Variants in SDHD observed in about 807,000 individuals in gnomAD.
SDHD encodes succinate dehydrogenase [ubiquinone] cytochrome b small subunit, mitochondrial.
Under a neutral mutation model 18.7 loss-of-function variants are expected in SDHD, and 6 were observed. The observed-to-expected ratio is 0.32, with a 90% CI of 0.18 to 0.63. SDHD has a LOEUF of 0.63. Ranked by LOEUF, SDHD falls within the 30% of genes least tolerant of loss-of-function variation. The pLI is 0.79. For missense variants in SDHD, 160 were observed against 192.7 expected, an observed-to-expected ratio of 0.83 and a Z score of 1.00; for synonymous variants, 56 against 73.9, an observed-to-expected ratio of 0.76 and a Z score of 1.24.
At chr11:112,087,031 A>G in intron 1 of SDHD, 72 bp downstream of exon 1, 2 of 1,545,744 alleles carry the variant, frequency 1.3e-6, no homozygotes, top group South Asian at 1.1e-5. Context: ...GTGAGGACTC[A>G]TCTGCCGGGT....
At chr11:112,093,224 G>A (rs973095059) in intron 3 of SDHD, 30 of 309,030 alleles carry the variant, frequency 9.7e-5, no homozygotes, top group African/African-American at 5.7e-4. Flanking sequence ...GTGCCACCAC[G>A]CCTGGCTAAT....
In SDHD at chr11:112,094,787, T is replaced by A. The variant is rs1260988180; in HGVS notation, c.315-18T>A. ...CTGTGGTTTTTTATTGATGTTATGA[T>A]TTTTTCTTTTTCTTTAGGGGCCTTG... is the stretch of plus-strand genomic sequence containing the variant. On this transcript the variant is annotated intron_variant, in intron 3 of 3. Transcript: ENST00000375549. 6.2e-7 allele frequency: 1 copy of A among 1,608,840 alleles called. No individual in the cohort carries two copies. The highest frequency in any genetic ancestry group is 8.5e-7 in the Non-Finnish European group (1 of 1,177,872).
intron 2 of SDHD, chr11:112,088,408 G>A (rs1354974695): frequency 1.2e-5 from 4 of 332,366 alleles, no homozygotes; most frequent in East Asian, 8.1e-5. Flanking sequence ...CGTGTTGGCC[G>A]GGCTGGTCTC....
In SDHD at chr11:112,086,957, G is replaced by A. The variant is rs1865621723; in HGVS notation, c.50G>A (p.Arg17Gln). ...LSAVCGALGG[R>Q]ALLLRTPVVR... ...GCCGTTTGCGGTGCCCTAGGAGGCCGAGGTGAGGGGTCTTCCCACCCTGAG... is the reference window on the plus strand; with the variant it reads ...GCCGTTTGCGGTGCCCTAGGAGGCCAAGGTGAGGGGTCTTCCCACCCTGAG... The change falls in exon 1 of 4, where the codon CGA becomes CAA. Residue 17 changes from arginine to glutamine, a missense_variant and splice_region_variant. Coordinates refer to ENST00000375549, the MANE Select transcript of SDHD (RefSeq NM_003002.4). The A allele has an allele frequency of 6.2e-7, 1 of 1,614,168 alleles. No homozygotes were observed.
intron 3 of SDHD, among the ~76,000 whole-genome samples, chr11:112,090,694 AT>A (rs1175203388): frequency 1.1e-4 from 16 of 147,950 alleles, no homozygotes; most frequent in Admixed American, 6.8e-4. Flanking sequence ...AGTGTTAAAG[AT>A]TTTTTTTTTC....
In SDHD at chr11:112,093,315, T is replaced by C. The variant is rs10749989; in HGVS notation, c.315-1490T>C. Reference sequence around the variant, plus strand: ...TCCCAACATCAGGTGATCCGCCCACTTCACCCACCCAAAGTGCTGGGATTA... The same window carrying C: ...TCCCAACATCAGGTGATCCGCCCACCTCACCCACCCAAAGTGCTGGGATTA... On this transcript the variant is annotated intron_variant, in intron 3 of 3. Coordinates refer to ENST00000375549, the MANE Select transcript of SDHD (RefSeq NM_003002.4). The C allele has an allele frequency of 0.42, 87,048 of 208,060 alleles. 19,112 individuals are homozygous for C. Among genetic ancestry groups the C allele is most frequent in the East Asian group, 0.6 (3,377 of 5,640 alleles). 12.9% of individuals were successfully genotyped at this position (208,060 alleles called of 1,614,324 possible). A position where few individuals can be genotyped will look rare whatever the true frequency, so the allele number is the denominator to read the frequency against.
At chr11:112,088,081 C>A in intron 2 of SDHD, 108 bp downstream of exon 2, 1 of 823,654 alleles carries the variant, frequency 1.2e-6, no homozygotes, top group South Asian at 1.3e-5. Flanking sequence ...CTCTTGTGTC[C>A]AACTTTGTCA....
In SDHD at chr11:112,086,946, C is replaced by T. The variant is rs1566690237; in HGVS notation, c.39C>T (p.Ala13=). The stretch of plus-strand genomic sequence containing the variant: ...GGAGGCTGAGTGCCGTTTGCGGTGC[C>T]CTAGGAGGCCGAGGTGAGGGGTCTT... ...VLWRLSAVCG[A]LGGRALLLRT... The change falls in exon 1 of 4, where the codon GCC becomes GCT. Residue 13 remains alanine, a synonymous_variant. Transcript: ENST00000375549. The T allele has an allele frequency of 1.2e-6, 2 of 1,614,130 alleles. No individual in the cohort carries two copies. The highest frequency in any genetic ancestry group is 1.7e-6 in the Non-Finnish European group (2 of 1,180,000).
At chr11:112,089,080 T>C (rs1187871970) in intron 3 of SDHD, 69 bp downstream of exon 3, 14 of 1,558,366 alleles carry the variant, frequency 9.0e-6, no homozygotes, top group African/African-American at 1.4e-5. Context: ...TTATGTATTA[T>C]ATATGAGGGA....
In SDHD at chr11:112,094,817, A is replaced by G. The variant is rs1566702383; in HGVS notation, c.327A>G (p.Gln109=). The G allele has an allele frequency of 6.2e-7, 1 of 1,611,868 alleles. No individual in the cohort carries two copies. The highest frequency in any genetic ancestry group is 8.5e-7 in the Non-Finnish European group (1 of 1,179,832). The part of the protein sequence containing the change: ...LTLHGHWGLG[Q]VVTDYVHGDA... ...TCTTTTTCTTTAGGGGCCTTGGACAAGTTGTTACTGACTATGTTCATGGGG... is the reference window on the plus strand; with the variant it reads ...TCTTTTTCTTTAGGGGCCTTGGACAGGTTGTTACTGACTATGTTCATGGGG... Residue 109 remains glutamine (Q), a synonymous_variant, in exon 4 of 4, where the codon CAA becomes CAG. Coordinates refer to ENST00000375549, the MANE Select transcript of SDHD (RefSeq NM_003002.4).
intron 1 of SDHD, among the ~76,000 whole-genome samples, chr11:112,087,561 G>A: frequency 6.6e-6 from 1 of 152,182 alleles, no homozygotes; most frequent in East Asian, 1.9e-4. Context: ...AACTGTTAAA[G>A]AGATACGCCA....
At chr11:112,088,147 C>T (rs2135267883) in intron 2 of SDHD, 174 bp downstream of exon 2, 1 of 709,514 alleles carries the variant, frequency 1.4e-6, no homozygotes, top group East Asian at 2.5e-5. Flanking sequence ...TTGAATGATG[C>T]CATTTATAAT....
chr11:112,088,289 T>C (rs1444251291), intron 2 of SDHD: 1 of 374,242 alleles, frequency 2.7e-6, no homozygotes, highest in Non-Finnish European at 5.1e-6. Context: ...AACCTCCACC[T>C]TCTGAGTTCA....
chr11:112,091,747 A>G (rs892814252), intron 3 of SDHD, among the ~76,000 whole-genome samples: 4 of 152,046 alleles, frequency 2.6e-5, no homozygotes, highest in African/African-American at 9.7e-5. Context: ...TACCCCACTT[A>G]TTCCATCAGT....
intron 3 of SDHD, among the ~76,000 whole-genome samples, chr11:112,089,754 C>T (rs1204053386): frequency 3.9e-5 from 6 of 152,164 alleles, no homozygotes; most frequent in Non-Finnish European, 5.9e-5. Flanking sequence ...CCTTCCCTAA[C>T]CACTTATTCA....
chr11:112,087,030 C>T (rs763548563), intron 1 of SDHD, 71 bp downstream of exon 1: 275 of 1,549,546 alleles, frequency 1.8e-4, no homozygotes, highest in Non-Finnish European at 2.4e-4. Flanking sequence ...AGTGAGGACT[C>T]ATCTGCCGGG....
intron 3 of SDHD, among the ~76,000 whole-genome samples, chr11:112,092,333 A>G (rs2135273969): frequency 6.6e-6 from 1 of 152,098 alleles, no homozygotes; most frequent in East Asian, 1.9e-4. Flanking sequence ...TCACCAGCCT[A>G]GGTTAAGACA....
At chr11:112,091,948 G>A (rs1450382406) in intron 3 of SDHD, among the ~76,000 whole-genome samples, 1 of 152,144 alleles carries the variant, frequency 6.6e-6, no homozygotes, top group Admixed American at 6.5e-5. Flanking sequence ...CACGCCTTTA[G>A]TCCCAGCTAC....
At chr11:112,093,455 T>G (rs1335412498) in intron 3 of SDHD, among the ~76,000 whole-genome samples, 1 of 152,036 alleles carries the variant, frequency 6.6e-6, no homozygotes, top group Non-Finnish European at 1.5e-5. Context: ...GGCTAAGAGG[T>G]AGAGGGTTTC....
Sources: allele counts gnomAD v4.1 joint callset (sites outside exome capture counted in the v4.1 genomes callset), GRCh38; gene constraint gnomAD v4.1.1; transcripts MANE v1.5; gene names NCBI Gene and HGNC (gene_info 2026-07-23, HGNC 2026-07-21).